HRG: variants seen among roughly 807,000 people sequenced by gnomAD.
HRG encodes the protein histidine rich glycoprotein, also known as histidine-rich glycoprotein.
In HRG, 26 loss-of-function variants were observed where a neutral mutation model predicts 29.5. That is an observed-to-expected ratio of 0.88 (90% CI 0.65 to 1.22). The LOEUF (loss-of-function observed/expected upper bound fraction) is 1.22. HRG is among the 50% of genes most tolerant of loss of function. HRG has a pLI of 0.00. For missense variants in HRG, 671 were observed against 654.5 expected (o/e 1.03, Z -0.28); for synonymous variants, 243 against 240.4 (o/e 1.01, Z -0.10).
chr3:186,675,030 G>A, intron 5 of HRG, 59 bp from the exon 6 acceptor site: 1 of 1,103,474 alleles, frequency 9.1e-7, no homozygotes, highest in East Asian at 2.4e-5. Flanking sequence ...AGCTAACTCT[G>A]GCTGGTCATC....
chr3:186,677,773 A>C lies in HRG; in HGVS notation c.1468A>C (p.Lys490Gln). 1 of 1,613,804 alleles carries C rather than the reference A, an allele frequency of 6.2e-7. No homozygotes were observed. Among genetic ancestry groups the C allele is most frequent in the African/African-American group, 1.3e-5 (1 of 75,036 alleles). Residue 490 changes from lysine (K) to glutamine (Q), a missense_variant, in exon 7 of 7, where the codon AAG (lysine) becomes CAG (glutamine). Transcript: ENST00000232003. ...FPLPHHKHPL[K>Q]PDNQPFPQSV... is the part of the protein sequence containing the mutation. ...ATTGCCGCACCACAAACATCCTCTA[A>C]AGCCAGACAATCAGCCCTTTCCTCA...
chr3:186,669,000 G>A lies in HRG; in HGVS notation c.249G>A (p.Arg83=), dbSNP rs774232166. The change falls in exon 2 of 7, where the codon AGG becomes AGA. Residue 83 remains arginine (R), a synonymous_variant. Transcript: ENST00000232003. ...VQESDCSVLS[R]KYWNDCEPPD... Reference sequence around the variant, plus strand: ...AATCGGACTGTTCGGTCCTATCCAGGAAATACTGGAATGACTGTGAGCCAC... The same window carrying A: ...AATCGGACTGTTCGGTCCTATCCAGAAAATACTGGAATGACTGTGAGCCAC... The A allele has an allele frequency of 2.5e-6, 4 of 1,612,220 alleles. No individual in the cohort carries two copies. The South Asian group carries it at 3.3e-5, about 13-fold the overall frequency.
chr3:186,669,168 A>G (rs1718707450), intron 2 of HRG, 117 bp downstream of exon 2: 3 of 772,108 alleles, frequency 3.9e-6, no homozygotes, highest in Non-Finnish European at 7.1e-6. Context: ...TTTTGCCTTG[A>G]GATTCATGAA....
At chr3:186,670,083 T>C (rs992685912) in intron 3 of HRG, 55 bp downstream of exon 3, 2 of 901,246 alleles carry the variant, frequency 2.2e-6, no homozygotes, top group African/African-American at 1.6e-5. Flanking sequence ...AATTCAATCA[T>C]ACAGTGGTAT....
intron 4 of HRG, among the ~76,000 whole-genome samples, chr3:186,672,319 C>T (rs1718826295): frequency 1.3e-5 from 2 of 152,158 alleles, no homozygotes; most frequent in Admixed American, 1.3e-4. Context: ...AAATGAGTAC[C>T]ATGCAGTTGC....
intron 4 of HRG, among the ~76,000 whole-genome samples, chr3:186,672,278 G>C (rs568572870): frequency 6.6e-6 from 1 of 152,210 alleles, no homozygotes; most frequent in Non-Finnish European, 1.5e-5. Flanking sequence ...AAAATGCAGC[G>C]TTAAATAGAT....
At chr3:186,669,783 G>T (rs943920284) in intron 2 of HRG, 155 bp from the exon 3 acceptor site, 1 of 683,774 alleles carries the variant, frequency 1.5e-6, no homozygotes, top group Non-Finnish European at 2.7e-6. Context: ...AACTGACTAA[G>T]AAAATGCAGG....
rs1042464 is a variant in HRG, at chr3:186,677,783, A to T, written c.1478A>T (p.Asn493Ile). Residue 493 changes from asparagine to isoleucine, a missense_variant, in exon 7 of 7, where the codon AAT becomes ATT. Coordinates refer to ENST00000232003, the MANE Select transcript of HRG (RefSeq NM_000412.5). ...PHHKHPLKPD[N>I]QPFPQSVSES... Reference sequence around the variant, plus strand: ...CACAAACATCCTCTAAAGCCAGACAATCAGCCCTTTCCTCAATCAGTCTCT... The same window carrying T: ...CACAAACATCCTCTAAAGCCAGACATTCAGCCCTTTCCTCAATCAGTCTCT... 0.51 allele frequency: 823,701 copies of T among 1,613,568 alleles called. 215,001 individuals are homozygous for T. Among genetic ancestry groups the T allele is most frequent in the East Asian group, 0.78 (34,777 of 44,858 alleles).
Position 186,677,615 on chromosome 3 carries a change from A to T in HRG, c.1310A>T (p.His437Leu), listed in dbSNP as rs1343444159. 6.2e-7 allele frequency: 1 copy of T among 1,614,154 alleles called. No homozygotes were observed. Among genetic ancestry groups the T allele is most frequent in the African/African-American group, 1.3e-5 (1 of 75,040 alleles). ...CCHGHGPPPG[H>L]LRRRGPGKGP... ...CATGGCCACGGCCCACCACCTGGGC[A>T]CTTAAGAAGGCGAGGCCCAGGTAAA... Residue 437 changes from histidine to leucine, a missense_variant, in exon 7 of 7, where the codon CAC becomes CTC. Physicochemically the swap from His to Leu is moderately conservative, Grantham distance 99. Transcript: ENST00000232003.
At chr3:186,666,440 T>C (rs757093729) in intron 1 of HRG, among the ~76,000 whole-genome samples, 2 of 152,236 alleles carry the variant, frequency 1.3e-5, no homozygotes, top group African/African-American at 2.4e-5. Context: ...GCATTTATGC[T>C]GAGCCCAGTT....
At chr3:186,673,284 A>G (rs558063394) in intron 5 of HRG, 8 of 295,474 alleles carry the variant, frequency 2.7e-5, no homozygotes, top group Admixed American at 1.8e-4. Flanking sequence ...TTGTATTTTT[A>G]GTAGAGATGG....
At chr3:186,667,218 A>G (rs1374718622) in intron 1 of HRG, 1 of 152,212 alleles carries the variant, frequency 6.6e-6, no homozygotes. Context: ...CTGAGGACCT[A>G]CTATCAAACA....
At position 186,677,130 on chromosome 3, in the gene HRG, G is replaced by T; in HGVS notation, c.825G>T (p.Lys275Asn). ...GGCATGAGCGTTCTTCTACCACCAA[G>T]CCTCCATTCAAGCCCCATGGATCTA... ...WGGHERSSTTKPPFKPHGSRD... is the reference protein window; with the variant it reads ...WGGHERSSTTNPPFKPHGSRD... Residue 275 changes from lysine (K) to asparagine (N), a missense_variant, in exon 7 of 7, where the codon AAG becomes AAT. Lys to Asn is a moderately conservative substitution (Grantham distance 94). Transcript: ENST00000232003. The T allele has an allele frequency of 6.2e-7, 1 of 1,613,978 alleles. No individual in the cohort carries two copies. The highest frequency in any genetic ancestry group is 8.5e-7 in the Non-Finnish European group (1 of 1,180,008).
At chr3:186,672,011 G>A (rs1316130405) in intron 4 of HRG, among the ~76,000 whole-genome samples, 1 of 151,344 alleles carries the variant, frequency 6.6e-6, no homozygotes, top group Non-Finnish European at 1.5e-5. Context: ...TAGGGGAGTA[G>A]ACATCTGACA....
chr3:186,672,039 A>G (rs9856702), intron 4 of HRG, among the ~76,000 whole-genome samples: 22,009 of 151,956 alleles, frequency 0.14, 1,777 homozygotes, highest in African/African-American at 0.21. Context: ...GAGAAAATCT[A>G]AAGAGGAAAC....
intron 2 of HRG, chr3:186,669,509 C>A: frequency 2.9e-6 from 1 of 344,474 alleles, no homozygotes; most frequent in Non-Finnish European, 5.6e-6. Flanking sequence ...TGCTCAGCAC[C>A]TAGGATATAC....
chr3:186,671,776 G>C lies in HRG; in HGVS notation c.545G>C (p.Arg182Thr), dbSNP rs1355507538. Residue 182 changes from arginine to threonine, a missense_variant, in exon 4 of 7, where the codon AGA (arginine) becomes ACA (threonine). Transcript: ENST00000232003. ...FASFRVDRIERVARVRGGEGT... is the reference protein window; with the variant it reads ...FASFRVDRIETVARVRGGEGT... ...TCTTTCAGAGTGGACCGAATCGAGA[G>C]AGTTGCAAGAGTGGTGAGTCTCCAC... 6.2e-7 allele frequency: 1 copy of C among 1,613,846 alleles called. No homozygotes were observed. Among genetic ancestry groups the C allele is most frequent in the Non-Finnish European group, 8.5e-7 (1 of 1,179,808 alleles).
At chr3:186,673,638 G>GT (rs1157426732) in intron 5 of HRG, 1 of 152,210 alleles carries the variant, frequency 6.6e-6, no homozygotes, top group Non-Finnish European at 1.5e-5. Context: ...ACGCCAAGTG[G>GT]TTTTATTAAT....
chr3:186,675,719 T>C (rs764545703), intron 6 of HRG, among the ~76,000 whole-genome samples: 24 of 152,100 alleles, frequency 1.6e-4, no homozygotes, highest in Non-Finnish European at 2.9e-4. Context: ...AAATCTTTGG[T>C]CTATTTTTTA....
Sources: gnomAD v4.1 joint callset for allele counts (sites outside exome capture counted in the v4.1 genomes callset) on GRCh38, gnomAD v4.1.1 for gene constraint, MANE v1.5 for transcripts, NCBI Gene and HGNC (gene_info 2026-07-23, HGNC 2026-07-21) for gene names.